The following SMYD3 variants were observed in gnomAD, a reference collection of about 807,000 sequenced individuals.
The protein encoded by SMYD3 is histone-lysine N-methyltransferase SMYD3.
Under a neutral mutation model 57.7 loss-of-function variants are expected in SMYD3, and 36 were observed. The ratio of observed to expected loss-of-function variants is 0.62; its 90% CI spans 0.48 to 0.82. SMYD3 has a LOEUF of 0.82. Ranked by LOEUF, SMYD3 falls within the 40% of genes least tolerant of loss-of-function variation. The pLI, the probability that SMYD3 is intolerant of heterozygous loss-of-function variation, is 0.00. For synonymous variants in SMYD3, 211 were observed against 195.0 expected (o/e 1.08, Z -0.68); for missense variants, 515 against 538.8 (o/e 0.96, Z 0.44).
chr1:246,259,343 A>C (rs1166225016), intron 5 of SMYD3, among the ~76,000 whole-genome samples: 2 of 152,034 alleles, frequency 1.3e-5, no homozygotes, highest in Non-Finnish European at 2.9e-5. Flanking sequence ...TAGCACTTCT[A>C]ATTTTTGTAA....
intron 5 of SMYD3, among the ~76,000 whole-genome samples, chr1:246,078,986 A>G (rs2060592919): frequency 6.6e-6 from 1 of 152,156 alleles, no homozygotes; most frequent in Non-Finnish European, 1.5e-5. Flanking sequence ...TAAACAAATA[A>G]GATGTCTACA....
rs527523332 is a variant in SMYD3 at position 245,800,733 on chromosome 1, T to C, written c.1077-36584A>G. ...ACTAAGTTTTTTTTCCTAAAGCAAGTAGTGGACATCCCAACACCATCCATG... is the reference window on the plus strand; with the variant it reads ...ACTAAGTTTTTTTTCCTAAAGCAAGCAGTGGACATCCCAACACCATCCATG... On this transcript the variant is annotated intron_variant, in intron 10 of 11. Transcript: ENST00000490107. Among the ~76,000 whole-genome samples the C allele has an allele frequency of 1.4e-3, 208 of 152,278 alleles. 4 individuals carry two copies. The Middle Eastern group carries it at 0.024, about 17-fold the overall frequency.
At chr1:246,312,004 C>A (rs1310940861) in intron 5 of SMYD3, among the ~76,000 whole-genome samples, 1 of 152,108 alleles carries the variant, frequency 6.6e-6, no homozygotes, top group Non-Finnish European at 1.5e-5. Context: ...AAAGGCAATG[C>A]AACAATGGGA....
At chr1:246,216,162 C>T (rs1301275155) in intron 5 of SMYD3, among the ~76,000 whole-genome samples, 3 of 152,000 alleles carry the variant, frequency 2.0e-5, no homozygotes, top group Admixed American at 2.0e-4. Flanking sequence ...TGGTGCACAC[C>T]TGCAATCCCA....
chr1:246,472,832 C>T (rs1442429688), intron 1 of SMYD3, among the ~76,000 whole-genome samples: 1 of 151,638 alleles, frequency 6.6e-6, no homozygotes, highest in Non-Finnish European at 1.5e-5. Flanking sequence ...CAGGGAGTCT[C>T]CCGCAGTTAC....
At chr1:245,837,598 C>T (rs563455323) in intron 10 of SMYD3, among the ~76,000 whole-genome samples, 70 of 152,106 alleles carry the variant, frequency 4.6e-4, no homozygotes, top group Non-Finnish European at 8.1e-4. Context: ...GTGTTAGTAC[C>T]CAGGAGACTT....
intron 1 of SMYD3, among the ~76,000 whole-genome samples, chr1:246,462,655 G>A (rs1281293906): frequency 6.6e-6 from 1 of 152,112 alleles, no homozygotes; most frequent in Non-Finnish European, 1.5e-5. Flanking sequence ...TGAGAGAAGG[G>A]TCAGAACTGG....
intron 10 of SMYD3, among the ~76,000 whole-genome samples, chr1:245,806,706 G>T (rs191090043): frequency 6.6e-5 from 10 of 151,386 alleles, no homozygotes; most frequent in Admixed American, 2.6e-4. Flanking sequence ...GTCAGGAGAT[G>T]GAGACCATCC....
At chr1:246,378,656 C>T (rs111399582) in intron 1 of SMYD3, among the ~76,000 whole-genome samples, 76 of 56,348 alleles carry the variant, frequency 1.3e-3, no homozygotes, top group South Asian at 2.0e-3. Flanking sequence ...TATATATATA[C>T]ACACACACAT....
intron 10 of SMYD3, among the ~76,000 whole-genome samples, chr1:245,801,834 A>C (rs12404746): frequency 0.044 from 6,653 of 152,214 alleles, 387 homozygotes; most frequent in East Asian, 0.27. Flanking sequence ...AAACAAAACA[A>C]AACAAAACTC....
chr1:246,253,556 T>C (rs1382904690), intron 5 of SMYD3, among the ~76,000 whole-genome samples: 2 of 152,236 alleles, frequency 1.3e-5, no homozygotes, highest in Non-Finnish European at 2.9e-5. Flanking sequence ...TCTCTGCTAT[T>C]GTGAATAGTG....
intron 10 of SMYD3, among the ~76,000 whole-genome samples, chr1:245,797,485 T>C (rs534762779): frequency 7.8e-6 from 1 of 128,364 alleles, no homozygotes; most frequent in African/African-American, 3.0e-5. Context: ...ATGAGAACGC[T>C]TGGACACAGG....
intron 1 of SMYD3, among the ~76,000 whole-genome samples, chr1:246,369,788 A>C (rs1249724180): frequency 1.3e-5 from 2 of 152,108 alleles, no homozygotes; most frequent in African/African-American, 4.8e-5. Context: ...TCAGCCTCCC[A>C]AAGTGCTAAG....
intron 10 of SMYD3, among the ~76,000 whole-genome samples, chr1:245,829,842 T>C (rs1013028193): frequency 6.6e-6 from 1 of 152,112 alleles, no homozygotes; most frequent in Non-Finnish European, 1.5e-5. Context: ...CTTGAAACTA[T>C]GCTAAGTGAA....
chr1:246,268,579 C>A (rs12141665), intron 5 of SMYD3, among the ~76,000 whole-genome samples: 1 of 152,040 alleles, frequency 6.6e-6, no homozygotes, highest in Non-Finnish European at 1.5e-5. Flanking sequence ...TGGCACACAC[C>A]TGTAGTCCCA....
chr1:246,401,043 C>A (rs1193413522), intron 1 of SMYD3, among the ~76,000 whole-genome samples: 1 of 152,144 alleles, frequency 6.6e-6, no homozygotes, highest in East Asian at 1.9e-4. Context: ...AAAAAGTATT[C>A]GAGGCAGCTG....
At chr1:245,968,509 T>C (rs544269921) in intron 5 of SMYD3, among the ~76,000 whole-genome samples, 2 of 152,260 alleles carry the variant, frequency 1.3e-5, no homozygotes, top group African/African-American at 4.8e-5. Flanking sequence ...TCACCTTATA[T>C]TGAAAAAGGC....
chr1:245,882,961 G>A (rs1253810034), intron 8 of SMYD3, among the ~76,000 whole-genome samples: 1 of 152,204 alleles, frequency 6.6e-6, no homozygotes, highest in East Asian at 1.9e-4. Context: ...TTTTTAGAAA[G>A]GGTAGGCTGT....
At chr1:246,455,995 A>G (rs2067695059) in intron 1 of SMYD3, among the ~76,000 whole-genome samples, 1 of 152,210 alleles carries the variant, frequency 6.6e-6, no homozygotes, top group African/African-American at 2.4e-5. Flanking sequence ...GAGTCATAGC[A>G]GGGAAAAACT....
Sources: gnomAD v4.1 joint callset for allele counts (sites outside exome capture counted in the v4.1 genomes callset) on GRCh38, gnomAD v4.1.1 for gene constraint, MANE v1.5 for transcripts, NCBI Gene and HGNC (gene_info 2026-07-23, HGNC 2026-07-21) for gene names.